TBC1D19: variants seen among roughly 807,000 people sequenced by gnomAD.
TBC1D19 encodes the protein TBC1 domain family member 19.
TBC1D19 carries 60 observed loss-of-function variants against 89.0 expected under a neutral mutation model. That is an observed-to-expected ratio of 0.67 (90% CI 0.55 to 0.84). The LOEUF is 0.84. Ranked by LOEUF, TBC1D19 falls within the 40% of genes least tolerant of loss-of-function variation. The pLI is 0.00. For missense variants in TBC1D19, 500 were observed against 610.8 expected (o/e 0.82, Z 1.91); for synonymous variants, 189 against 199.7 (o/e 0.95, Z 0.45).
chr4:26,794,770 C>T, the TBC1D19 span, among the ~76,000 whole-genome samples: 6 of 152,096 alleles, frequency 3.9e-5, no homozygotes, highest in African/African-American at 1.4e-4. Flanking sequence ...TTCTGTAATT[C>T]AGTAGTAAAA....
chr4:26,677,192 T>C (rs776034106), intron 11 of TBC1D19, among the ~76,000 whole-genome samples: 7 of 152,218 alleles, frequency 4.6e-5, no homozygotes, highest in Non-Finnish European at 7.3e-5. Context: ...CAATAATTCC[T>C]TCTTGATTTA....
chr4:26,640,272 G>T (rs1743412626), intron 7 of TBC1D19, 85 bp downstream of exon 7: 2 of 1,147,912 alleles, frequency 1.7e-6, no homozygotes, highest in African/African-American at 1.5e-5. Context: ...AAGGCAGAGG[G>T]ATTAGCATGT....
the TBC1D19 span, among the ~76,000 whole-genome samples, chr4:26,832,238 A>C: frequency 6.6e-6 from 1 of 152,206 alleles, no homozygotes; most frequent in Non-Finnish European, 1.5e-5. Context: ...TGAGTGCAGT[A>C]AAACAATCCT....
chr4:26,673,446 T>TACACAC lies in TBC1D19; in HGVS notation c.704-306_704-301dup, dbSNP rs61054571. ...TTTCATATATATATATATATATATATACACACACACACACACACACACACA... is the reference window on the plus strand; with the variant it reads ...TTTCATATATATATATATATATATATACACACACACACACACACACACACACACACA... On this transcript the variant is annotated intron_variant, in intron 10 of 20. Coordinates refer to ENST00000264866, the MANE Select transcript of TBC1D19 (RefSeq NM_018317.4). 3.1e-3 allele frequency among the ~76,000 whole-genome samples: 283 copies of TACACAC among 90,848 alleles called. 5 individuals carry two copies. The highest frequency in any genetic ancestry group is 8.2e-3 in the South Asian group (18 of 2,192). The allele number at this position is 90,848 out of a possible 152,430, so 59.6% of individuals were successfully genotyped here.
the TBC1D19 span, among the ~76,000 whole-genome samples, chr4:26,847,892 A>G: frequency 6.6e-6 from 1 of 152,222 alleles, no homozygotes; most frequent in African/African-American, 2.4e-5. Context: ...GTCATTGACT[A>G]AGATGGGGAC....
the TBC1D19 span, among the ~76,000 whole-genome samples, chr4:26,772,034 A>G: frequency 2.0e-5 from 3 of 152,188 alleles, no homozygotes; most frequent in Admixed American, 6.5e-5. Context: ...TATTACCAAT[A>G]TCAGAAATGA....
chr4:26,776,784 T>C, the TBC1D19 span, among the ~76,000 whole-genome samples: 1 of 152,294 alleles, frequency 6.6e-6, no homozygotes, highest in South Asian at 2.1e-4. Flanking sequence ...TGTTATTCTG[T>C]TTTTCTCTGG....
At chr4:26,784,718 A>G in the TBC1D19 span, among the ~76,000 whole-genome samples, 2 of 152,206 alleles carry the variant, frequency 1.3e-5, no homozygotes, top group African/African-American at 4.8e-5. Flanking sequence ...CAGTGACAAC[A>G]TGCTTGAGTA....
chr4:26,654,450 A>G (rs1744643779), intron 7 of TBC1D19, among the ~76,000 whole-genome samples: 2 of 152,160 alleles, frequency 1.3e-5, no homozygotes, highest in African/African-American at 4.8e-5. Context: ...GTTCTCCTGG[A>G]TAATATCCTG....
chr4:26,672,112 T>A, intron 9 of TBC1D19, 37 bp from the exon 10 acceptor site: 1 of 894,352 alleles, frequency 1.1e-6, no homozygotes, highest in Non-Finnish European at 1.6e-6. Flanking sequence ...TTGCTCATAC[T>A]CATGTCTAAT....
intron 15 of TBC1D19, among the ~76,000 whole-genome samples, chr4:26,731,646 G>T (rs1316111656): frequency 6.6e-6 from 1 of 152,116 alleles, no homozygotes; most frequent in Non-Finnish European, 1.5e-5. Flanking sequence ...GAGTCTCAGA[G>T]CTATATTGAA....
chr4:26,657,033 C>CTCCTTCTCCT lies in TBC1D19; in HGVS notation c.481-2562_481-2561insCTTCTCCTTC, dbSNP rs1440150054. On this transcript the variant is annotated intron_variant, in intron 7 of 20. Coordinates refer to ENST00000264866, the MANE Select transcript of TBC1D19 (RefSeq NM_018317.4). The stretch of plus-strand genomic sequence containing the variant: ...TCTCCTTCTCCTTCTCCTTCTCCTT[C>CTCCTTCTCCT]TCTCTTTCTTCTTCCTCTTCTTGTT... 1.6e-3 allele frequency among the ~76,000 whole-genome samples: 170 copies of CTCCTTCTCCT among 108,328 alleles called. 1 individual carries two copies. Among genetic ancestry groups the CTCCTTCTCCT allele is most frequent in the African/African-American group, 5.1e-3 (166 of 32,504 alleles). The allele number at this position is 108,328 out of a possible 152,430, so 71.1% of individuals were successfully genotyped here.
At chr4:26,651,540 T>G (rs551285906) in intron 7 of TBC1D19, among the ~76,000 whole-genome samples, 35 of 152,338 alleles carry the variant, frequency 2.3e-4, no homozygotes, top group African/African-American at 8.4e-4. Flanking sequence ...TAAGAATGTT[T>G]GTGATTTTTG....
chr4:26,598,828 TACATATA>T (rs1212728970), intron 1 of TBC1D19, among the ~76,000 whole-genome samples: 1 of 152,116 alleles, frequency 6.6e-6, no homozygotes, highest in Non-Finnish European at 1.5e-5. Flanking sequence ...TATGAATCTG[TACATATA>T]ACATCAGGAG....
chr4:26,739,564 A>G (rs995241443), intron 16 of TBC1D19, among the ~76,000 whole-genome samples: 2 of 152,160 alleles, frequency 1.3e-5, no homozygotes, highest in African/African-American at 4.8e-5. Flanking sequence ...TGTAGTTTTT[A>G]TAAGTTACTT....
At chr4:26,692,982 C>T (rs530405363) in intron 13 of TBC1D19, among the ~76,000 whole-genome samples, 105 of 152,116 alleles carry the variant, frequency 6.9e-4, no homozygotes, top group South Asian at 4.8e-3. Flanking sequence ...CTAAGTTAGC[C>T]GGGCTTGGTG....
chr4:26,802,309 T>G, the TBC1D19 span, among the ~76,000 whole-genome samples: 1 of 151,988 alleles, frequency 6.6e-6, no homozygotes, highest in South Asian at 2.1e-4. Context: ...GAATTAAGAG[T>G]GATTTCCTTG....
intron 1 of TBC1D19, among the ~76,000 whole-genome samples, chr4:26,591,812 C>G (rs1739830381): frequency 2.0e-5 from 3 of 152,196 alleles, no homozygotes; most frequent in Admixed American, 1.3e-4. Flanking sequence ...TCTGAATAGG[C>G]CAATAACAGG....
rs549114557 is a variant in TBC1D19 at position 26,643,059 on chromosome 4, G to C, written c.480+2872G>C. Among the ~76,000 whole-genome samples the C allele has an allele frequency of 2.6e-5, 4 of 152,078 alleles. No individual in the cohort carries two copies. In the East Asian group the frequency reaches 5.8e-4, roughly 22 times the overall value. ...CAAGGATATCCAGGACTTGATCTCA[G>C]CTCTGCCCCAAGCTGATCTAATAGA... is the stretch of plus-strand genomic sequence containing the variant. On this transcript the variant is annotated intron_variant, in intron 7 of 20. Transcript: ENST00000264866.
Sources: allele counts gnomAD v4.1 joint callset (sites outside exome capture counted in the v4.1 genomes callset), GRCh38; gene constraint gnomAD v4.1.1; transcripts MANE v1.5; gene names NCBI Gene and HGNC (gene_info 2026-07-23, HGNC 2026-07-21).